FILIP1L: variants seen among roughly 807,000 people sequenced by gnomAD.
FILIP1L encodes filamin A-interacting protein 1-like.
Under a neutral mutation model 96.6 loss-of-function variants are expected in FILIP1L, and 55 were observed. The observed-to-expected ratio is 0.57, with a 90% CI of 0.46 to 0.71. FILIP1L has a LOEUF of 0.71. Among genes scored for constraint, FILIP1L ranks in the 30% least tolerant of loss-of-function variants. FILIP1L has a pLI of 0.00. For missense variants in FILIP1L, 1,304 were observed against 1,321.2 expected (o/e 0.99, Z 0.20); for synonymous variants, 467 against 473.9 (o/e 0.99, Z 0.19).
chr3:100,086,632 A>G (rs2066014398), intron 1 of FILIP1L, among the ~76,000 whole-genome samples: 1 of 152,222 alleles, frequency 6.6e-6, no homozygotes, highest in Non-Finnish European at 1.5e-5. Context: ...TCATTGCAGC[A>G]ATTTAGTGTA....
intron 1 of FILIP1L, among the ~76,000 whole-genome samples, chr3:100,099,544 T>C (rs1004421513): frequency 2.6e-5 from 4 of 152,178 alleles, no homozygotes; most frequent in African/African-American, 7.2e-5. Context: ...TATGTATCCT[T>C]AACTAAGTCA....
chr3:99,878,470 T>G (rs1025249114), intron 4 of FILIP1L, among the ~76,000 whole-genome samples: 1 of 152,254 alleles, frequency 6.6e-6, no homozygotes. Context: ...TATATAGTCT[T>G]ACATATATAG....
chr3:100,054,457 T>C (rs1309432059), intron 1 of FILIP1L, among the ~76,000 whole-genome samples: 1 of 151,796 alleles, frequency 6.6e-6, no homozygotes, highest in African/African-American at 2.4e-5. Flanking sequence ...TGAGCCAGTC[T>C]GACCTGCTTC....
intron 1 of FILIP1L, among the ~76,000 whole-genome samples, chr3:99,940,173 C>T (rs1707811499): frequency 6.6e-6 from 1 of 152,192 alleles, no homozygotes; most frequent in Non-Finnish European, 1.5e-5. Flanking sequence ...ATTCTTTTCT[C>T]ATTTAAGGTT....
chr3:100,035,147 A>G (rs1049726754), intron 1 of FILIP1L, among the ~76,000 whole-genome samples: 3 of 152,330 alleles, frequency 2.0e-5, no homozygotes, highest in Admixed American at 2.0e-4. Flanking sequence ...TGTGCTTTCT[A>G]GGATTATTAG....
chr3:99,966,227 T>G (rs1230237839), intron 1 of FILIP1L, among the ~76,000 whole-genome samples: 1 of 152,182 alleles, frequency 6.6e-6, no homozygotes, highest in Non-Finnish European at 1.5e-5. Flanking sequence ...CTAAGCAGGC[T>G]GCAGAGGCTG....
chr3:100,068,476 A>G (rs190919322), intron 1 of FILIP1L, among the ~76,000 whole-genome samples: 296 of 152,250 alleles, frequency 1.9e-3, no homozygotes, highest in Non-Finnish European at 3.3e-3. Context: ...TTCTTTAACA[A>G]TTTAATGTAA....
At chr3:99,915,803 C>G (rs1706932213) in intron 4 of FILIP1L, among the ~76,000 whole-genome samples, 1 of 152,204 alleles carries the variant, frequency 6.6e-6, no homozygotes, top group Non-Finnish European at 1.5e-5. Flanking sequence ...TAGCCTGCAA[C>G]TTTGCATTGC....
intron 1 of FILIP1L, among the ~76,000 whole-genome samples, chr3:100,055,759 T>G (rs549187567): frequency 6.6e-6 from 1 of 152,326 alleles, no homozygotes; most frequent in South Asian, 2.1e-4. Context: ...AAAAGAGAGA[T>G]AGGCTAGAGA....
chr3:100,027,165 C>CTGCTTTT (rs1001584372), intron 1 of FILIP1L, among the ~76,000 whole-genome samples: 17 of 152,146 alleles, frequency 1.1e-4, no homozygotes, highest in Admixed American at 1.0e-3. Context: ...TCCACCTTCT[C>CTGCTTTT]TGCTTTTTGT....
At chr3:99,983,385 A>ATATAT (rs1709187098) in intron 1 of FILIP1L, among the ~76,000 whole-genome samples, 1 of 84,076 alleles carries the variant, frequency 1.2e-5, no homozygotes, top group African/African-American at 6.4e-5. Context: ...AAAATAAATA[A>ATATAT]ATAAATATAT....
At chr3:99,901,233 G>A (rs115485249) in intron 4 of FILIP1L, among the ~76,000 whole-genome samples, 2,471 of 152,302 alleles carry the variant, frequency 0.016, 38 homozygotes, top group Non-Finnish European at 0.026. Context: ...CGTTGAAATA[G>A]GATAGTACCT....
At position 99,834,228 on chromosome 3, in the gene FILIP1L, G is replaced by A. The variant is rs182165489; in HGVS notation, c.3382-3623C>T. Among the ~76,000 whole-genome samples the A allele has an allele frequency of 1.8e-4, 28 of 152,272 alleles. 1 individual carries two copies. In the East Asian group the frequency reaches 4.8e-3, roughly 26 times the overall value. On this transcript the variant is annotated intron_variant, in intron 5 of 5. Transcript: ENST00000477258. ...TTTATACAGGAAAGGGTCTTTCAAA[G>A]GAAAGCTGTTTGATTTTATTAGCTC...
intron 1 of FILIP1L, among the ~76,000 whole-genome samples, chr3:99,982,736 A>G (rs1433850423): frequency 6.6e-6 from 1 of 152,228 alleles, no homozygotes; most frequent in African/African-American, 2.4e-5. Flanking sequence ...GATTCTGTTA[A>G]TGCCATATAT....
intron 4 of FILIP1L, among the ~76,000 whole-genome samples, chr3:99,904,768 C>T (rs370542373): frequency 1.4e-4 from 21 of 152,278 alleles, no homozygotes; most frequent in African/African-American, 5.1e-4. Flanking sequence ...TTCTATCCAT[C>T]CTCTTTTGCT....
chr3:99,867,414 TG>T (rs1944575217), intron 4 of FILIP1L, among the ~76,000 whole-genome samples: 1 of 152,182 alleles, frequency 6.6e-6, no homozygotes. Context: ...TTTTAGTAGC[TG>T]AAAAAAAGGT....
At chr3:100,049,797 G>A (rs1559739384) in intron 1 of FILIP1L, among the ~76,000 whole-genome samples, 1 of 152,014 alleles carries the variant, frequency 6.6e-6, no homozygotes, top group Non-Finnish European at 1.5e-5. Context: ...TCACTTTATT[G>A]TAAGACTACT....
At chr3:99,991,036 A>G (rs1709495160) in intron 1 of FILIP1L, among the ~76,000 whole-genome samples, 1 of 152,138 alleles carries the variant, frequency 6.6e-6, no homozygotes, top group Non-Finnish European at 1.5e-5. Context: ...GATGCCCATA[A>G]TCTGGTCCAT....
intron 1 of FILIP1L, among the ~76,000 whole-genome samples, chr3:100,106,348 A>G (rs1185548385): frequency 6.6e-6 from 1 of 152,158 alleles, no homozygotes; most frequent in Admixed American, 6.5e-5. Flanking sequence ...CTGATTCTAC[A>G]TGTAACCTAA....
Sources: allele counts gnomAD v4.1 joint callset (sites outside exome capture counted in the v4.1 genomes callset), GRCh38; gene constraint gnomAD v4.1.1; transcripts MANE v1.5; gene names NCBI Gene and HGNC (gene_info 2026-07-23, HGNC 2026-07-21).